TLN2: variants seen among roughly 807,000 people sequenced by gnomAD.
The protein encoded by TLN2 is talin-2.
Under a neutral mutation model 294.7 loss-of-function variants are expected in TLN2, and 118 were observed. The observed-to-expected ratio is 0.40, with a 90% CI of 0.34 to 0.47. The LOEUF (loss-of-function observed/expected upper bound fraction) is 0.47. TLN2 is among the 20% of genes least tolerant of loss of function. The probability of loss-of-function intolerance (pLI) is 0.84; values close to 1 mark genes in which losing one functional copy is unlikely to be tolerated. For missense variants in TLN2, 3,083 were observed against 3,282.2 expected (o/e 0.94, Z 1.48); for synonymous variants, 1,431 against 1,304.5 (o/e 1.10, Z -2.09).
At chr15:62,839,367 C>T (rs548123808) in intron 58 of TLN2, among the ~76,000 whole-genome samples, 1 of 152,274 alleles carries the variant, frequency 6.6e-6, no homozygotes, top group South Asian at 2.1e-4. Context: ...TTGTGAGTAG[C>T]ATTTGCCTAG....
chr15:62,405,283 C>A (rs1462972003), intron 1 of TLN2, among the ~76,000 whole-genome samples: 4 of 152,018 alleles, frequency 2.6e-5, no homozygotes, highest in Middle Eastern at 3.2e-3. Flanking sequence ...ATCGGGAGCC[C>A]TAGGGAGGAT....
chr15:62,490,984 G>A (rs1466848896), intron 1 of TLN2, among the ~76,000 whole-genome samples: 1 of 152,120 alleles, frequency 6.6e-6, no homozygotes, highest in Non-Finnish European at 1.5e-5. Context: ...GGTGGTTGGA[G>A]CACAGCTTGG....
intron 1 of TLN2, among the ~76,000 whole-genome samples, chr15:62,553,247 G>A (rs2042421832): frequency 6.6e-6 from 1 of 152,074 alleles, no homozygotes; most frequent in Non-Finnish European, 1.5e-5. Flanking sequence ...TGTAATCCCA[G>A]CACTTTGGGA....
At chr15:62,752,628 G>T (rs4775537) in intron 35 of TLN2, among the ~76,000 whole-genome samples, 37,141 of 152,116 alleles carry the variant, frequency 0.24, 4,726 homozygotes, top group African/African-American at 0.3. Flanking sequence ...GGCCAGGCTG[G>T]GGAGCATGGC....
chr15:62,538,235 A>G (rs1005329904), intron 1 of TLN2, among the ~76,000 whole-genome samples: 3 of 152,070 alleles, frequency 2.0e-5, no homozygotes, highest in African/African-American at 7.3e-5. Flanking sequence ...ACACACACAC[A>G]CACACAAAAA....
At chr15:62,463,649 G>A (rs966296988) in intron 1 of TLN2, among the ~76,000 whole-genome samples, 7 of 152,170 alleles carry the variant, frequency 4.6e-5, no homozygotes, top group African/African-American at 1.4e-4. Flanking sequence ...ACTTTGCGAC[G>A]CTGAGATGGA....
intron 1 of TLN2, among the ~76,000 whole-genome samples, chr15:62,396,784 A>G (rs1014894271): frequency 6.6e-6 from 1 of 152,000 alleles, no homozygotes; most frequent in Non-Finnish European, 1.5e-5. Context: ...GGCTCACTGC[A>G]ACCTCCACCT....
chr15:62,825,820 A>ATAATATAT (rs2068085425), intron 54 of TLN2, among the ~76,000 whole-genome samples: 1 of 35,814 alleles, frequency 2.8e-5, no homozygotes, highest in Non-Finnish European at 4.9e-5. Context: ...ATATTATAAT[A>ATAATATAT]TATATTATAA....
chr15:62,613,026 C>CTAGGGCAGTGTTCAGACT (rs2048040776), intron 2 of TLN2, among the ~76,000 whole-genome samples: 1 of 152,138 alleles, frequency 6.6e-6, no homozygotes, highest in African/African-American at 2.4e-5. Flanking sequence ...TAGTTAAGAG[C>CTAGGGCAGTGTTCAGACT]TAGGGCAGTG....
At chr15:62,726,622 G>A (rs2060455529) in intron 27 of TLN2, among the ~76,000 whole-genome samples, 1 of 152,064 alleles carries the variant, frequency 6.6e-6, no homozygotes. Context: ...AATGTTAATG[G>A]TCCCACATGC....
chr15:62,805,108 A>G (rs1234866750), intron 50 of TLN2, among the ~76,000 whole-genome samples: 1 of 152,188 alleles, frequency 6.6e-6, no homozygotes, highest in Non-Finnish European at 1.5e-5. Context: ...CAGGCTAAGA[A>G]TAGAAGGAAC....
At chr15:62,573,622 G>C (rs1029870723) in intron 1 of TLN2, among the ~76,000 whole-genome samples, 1 of 152,028 alleles carries the variant, frequency 6.6e-6, no homozygotes, top group East Asian at 1.9e-4. Context: ...TCCAGCCTGG[G>C]GGTGGAAGAA....
intron 40 of TLN2, 80 bp downstream of exon 40, chr15:62,763,775 G>A: frequency 6.9e-7 from 1 of 1,449,620 alleles, no homozygotes; most frequent in Non-Finnish European, 9.1e-7. Flanking sequence ...GAGGGGTAGA[G>A]GTTGTAGGGC....
rs1218662540 is a variant in TLN2 at position 62,797,267 on chromosome 15, A to G, written c.6099A>G (p.Leu2033=). ...AGGCCTTGGTAGAAGACACGAAACT[A>G]CTTGTGTCAGGAGCTGCGTCCACTC... ...TAKALVEDTK[L]LVSGAASTPD... is the part of the protein sequence containing the mutation. Residue 2033 remains leucine, a synonymous_variant, in exon 48 of 59, where the codon CTA becomes CTG. Transcript: ENST00000636159. 1 of 1,613,956 alleles carries G rather than the reference A, an allele frequency of 6.2e-7. No homozygotes were observed. Among genetic ancestry groups the G allele is most frequent in the Non-Finnish European group, 8.5e-7 (1 of 1,180,012 alleles).
chr15:62,793,994 A>G (rs1411017079), intron 46 of TLN2, among the ~76,000 whole-genome samples: 1 of 151,828 alleles, frequency 6.6e-6, no homozygotes, highest in Admixed American at 6.6e-5. Context: ...AGACGAGGAA[A>G]TAAATCTCTC....
At chr15:62,697,538 T>G in intron 14 of TLN2, 150 bp from the exon 15 acceptor site, 1 of 787,954 alleles carries the variant, frequency 1.3e-6, no homozygotes, top group South Asian at 2.1e-5. Context: ...GTAATGCCAC[T>G]TCTTCATTCC....
intron 2 of TLN2, among the ~76,000 whole-genome samples, chr15:62,607,253 C>T (rs1325694442): frequency 6.6e-6 from 1 of 152,116 alleles, no homozygotes; most frequent in Non-Finnish European, 1.5e-5. Flanking sequence ...AGCCTTGGGT[C>T]ACAGAAGTCA....
chr15:62,749,278 G>A (rs1382929503), intron 33 of TLN2, among the ~76,000 whole-genome samples: 1 of 152,194 alleles, frequency 6.6e-6, no homozygotes, highest in African/African-American at 2.4e-5. Flanking sequence ...AATGAGAAGG[G>A]GATTGTTATC....
Position 62,567,102 on chromosome 15 carries a change from G to C in TLN2, c.-237-22585G>C, listed in dbSNP as rs2043466902. On this transcript the variant is annotated intron_variant, in intron 1 of 58. Transcript: ENST00000636159. ...CTGTTTTTTTCCCACTTATTATAGA[G>C]TGAGCATTTTCTCAAATTCTTGTAA... 2.0e-5 allele frequency among the ~76,000 whole-genome samples: 3 copies of C among 152,164 alleles called. No individual in the cohort carries two copies. The South Asian group carries it at 6.2e-4, about 32-fold the overall frequency.
Sources: gnomAD v4.1 joint callset for allele counts (sites outside exome capture counted in the v4.1 genomes callset) on GRCh38, gnomAD v4.1.1 for gene constraint, MANE v1.5 for transcripts, NCBI Gene and HGNC (gene_info 2026-07-23, HGNC 2026-07-21) for gene names.